RFX8: variants seen among roughly 807,000 people sequenced by gnomAD.
RFX8 encodes DNA-binding protein RFX8.
In RFX8, 46 loss-of-function variants were observed where a neutral mutation model predicts 54.6. The ratio of observed to expected loss-of-function variants is 0.84; its 90% CI spans 0.67 to 1.08. RFX8 has a LOEUF of 1.08. RFX8 is among the 50% of genes least tolerant of loss of function. The pLI is 0.00. For missense variants in RFX8, 536 were observed against 562.3 expected, an observed-to-expected ratio of 0.95 and a Z score of 0.47; for synonymous variants, 192 against 209.5, an observed-to-expected ratio of 0.92 and a Z score of 0.72.
chr2:101,404,692 G>A (rs570929231), intron 10 of RFX8, among the ~76,000 whole-genome samples: 1 of 151,896 alleles, frequency 6.6e-6, no homozygotes, highest in Non-Finnish European at 1.5e-5. Flanking sequence ...CTCCCAAACT[G>A]CTGGGATTAC....
Position 101,469,030 on chromosome 2 carries a change from ACGT to A in RFX8, c.-52-2133_-52-2131del, listed in dbSNP as rs1186379908. 7.5e-3 allele frequency among the ~76,000 whole-genome samples: 399 copies of A among 53,380 alleles called. 27 individuals are homozygous for A. The East Asian group carries it at 0.14, about 18-fold the overall frequency. 35.0% of individuals were successfully genotyped at this position (53,380 alleles called of 152,430 possible). A position where few individuals can be genotyped will look rare whatever the true frequency, so the allele number is the denominator to read the frequency against. On this transcript the variant is annotated intron_variant, in intron 1 of 11. Coordinates refer to ENST00000428343, the MANE Select transcript of RFX8 (RefSeq NM_001145664.2). ...TATATATATATAGGTATATATATAT[ACGT>A]ATATATATGTATATATATATACGTA...
At position 101,474,952 on chromosome 2, in the gene RFX8, G is replaced by C. The variant is rs1414868706; in HGVS notation, c.-369C>G. On this transcript the variant is annotated 5_prime_UTR_variant, in exon 1 of 12. Transcript: ENST00000428343. Reference sequence around the variant, plus strand: ...TGGACTTCTAGGAGGCTGGTCCCAGGTGACTCCAGTGTGCTGCTCCAGGTG... The same window carrying C: ...TGGACTTCTAGGAGGCTGGTCCCAGCTGACTCCAGTGTGCTGCTCCAGGTG... 6.6e-6 allele frequency among the ~76,000 whole-genome samples: 1 copy of C among 152,162 alleles called. No homozygotes were observed. Among genetic ancestry groups the C allele is most frequent in the Non-Finnish European group, 1.5e-5 (1 of 68,020 alleles).
intron 9 of RFX8, among the ~76,000 whole-genome samples, chr2:101,406,510 G>C (rs182413245): frequency 1.7e-4 from 25 of 151,402 alleles, no homozygotes; most frequent in Non-Finnish European, 2.7e-4. Context: ...TTAATTTTGG[G>C]GGGGAGGGTG....
chr2:101,444,920 T>C (rs1242877813), intron 2 of RFX8, among the ~76,000 whole-genome samples: 4 of 152,198 alleles, frequency 2.6e-5, no homozygotes, highest in Non-Finnish European at 4.4e-5. Flanking sequence ...CCTTAATTAA[T>C]GGATGAGGAA....
chr2:101,445,919 CTTAT>C (rs1045495263), intron 2 of RFX8, among the ~76,000 whole-genome samples: 1 of 152,096 alleles, frequency 6.6e-6, no homozygotes, highest in Admixed American at 6.5e-5. Context: ...GAGAGATAAA[CTTAT>C]TTATTTTGAG....
Position 101,418,897 on chromosome 2 carries a change from G to A in RFX8, c.305C>T (p.Pro102Leu), listed in dbSNP as rs75516500. 1.3e-3 allele frequency: 2,078 copies of A among 1,551,620 alleles called. 21 individuals are homozygous for A. The African/African-American group carries it at 0.025, about 18-fold the overall frequency. ...GCATTTAAAGAGCTGGCACACGTCA[G>A]GCAATGACATCAGCATGACTGTGTC... ...QQDTVMLMSL[P>L]DVCQLFKCYD... is the part of the protein sequence containing the mutation. The change falls in exon 5 of 12, where the codon CCT (proline) becomes CTT (leucine). Residue 102 changes from proline to leucine, a missense_variant. Physicochemically the swap from Pro to Leu is moderately conservative, Grantham distance 98. Transcript: ENST00000428343.
chr2:101,402,146 G>T (rs1399041151), intron 11 of RFX8, among the ~76,000 whole-genome samples: 3 of 152,220 alleles, frequency 2.0e-5, no homozygotes, highest in Non-Finnish European at 4.4e-5. Context: ...CTACTGCTGA[G>T]TTAGTCTAAC....
At chr2:101,418,360 TAATAA>T (rs1686657577) in intron 5 of RFX8, among the ~76,000 whole-genome samples, 1 of 152,118 alleles carries the variant, frequency 6.6e-6, no homozygotes, top group Non-Finnish European at 1.5e-5. Flanking sequence ...TCCTTAAAAA[TAATAA>T]AATAAAAGGT....
chr2:101,470,521 G>C, intron 1 of RFX8, among the ~76,000 whole-genome samples: 1 of 152,092 alleles, frequency 6.6e-6, no homozygotes, highest in Non-Finnish European at 1.5e-5. Context: ...AAGTGAATCA[G>C]ATCACTAGAT....
chr2:101,453,722 T>C (rs1398834990), intron 2 of RFX8, among the ~76,000 whole-genome samples: 3 of 152,164 alleles, frequency 2.0e-5, no homozygotes, highest in South Asian at 2.1e-4. Flanking sequence ...TGCATTCTAC[T>C]TTCTTCCCTC....
intron 2 of RFX8, among the ~76,000 whole-genome samples, chr2:101,440,425 C>T (rs531931593): frequency 9.7e-4 from 148 of 152,310 alleles, no homozygotes; most frequent in African/African-American, 3.2e-3. Context: ...ATAATGTTGG[C>T]ATGTGCTAGA....
intron 2 of RFX8, among the ~76,000 whole-genome samples, chr2:101,434,099 A>G (rs556618134): frequency 6.6e-6 from 1 of 152,322 alleles, no homozygotes; most frequent in South Asian, 2.1e-4. Flanking sequence ...TAAGGTAGAT[A>G]AGAATTATCC....
intron 2 of RFX8, among the ~76,000 whole-genome samples, chr2:101,429,998 A>G (rs932193581): frequency 5.9e-5 from 9 of 152,204 alleles, no homozygotes; most frequent in African/African-American, 1.9e-4. Context: ...ACCAAGTCAT[A>G]GAAAACTGGG....
rs1368224635 is a variant in RFX8, at chr2:101,443,868, G to A, written c.73-21396C>T. ...CTTTCCACAACCAGGGCATGCACTG[G>A]TGACCCATCTGCCCACAGTAGCAGC... On this transcript the variant is annotated intron_variant, in intron 2 of 11. Coordinates refer to ENST00000428343, the MANE Select transcript of RFX8 (RefSeq NM_001145664.2). Among the ~76,000 whole-genome samples the A allele has an allele frequency of 1.9e-4, 29 of 152,244 alleles. No individual in the cohort carries two copies. In the East Asian group the frequency reaches 5.5e-3, roughly 29 times the overall value.
intron 2 of RFX8, among the ~76,000 whole-genome samples, chr2:101,463,207 AT>A (rs1371717644): frequency 3.3e-5 from 5 of 152,204 alleles, no homozygotes; most frequent in Non-Finnish European, 7.3e-5. Context: ...GTCTTCAGGC[AT>A]TTAGCTGAAA....
At position 101,466,871 on chromosome 2, in the gene RFX8, T is replaced by G; in HGVS notation, c.-23A>C. The G allele has an allele frequency of 6.5e-7, 1 of 1,537,200 alleles. No individual in the cohort carries two copies. Among genetic ancestry groups the G allele is most frequent in the Non-Finnish European group, 8.8e-7 (1 of 1,133,826 alleles). On this transcript the variant is annotated 5_prime_UTR_variant, in exon 2 of 12. Coordinates refer to ENST00000428343, the MANE Select transcript of RFX8 (RefSeq NM_001145664.2). Reference sequence around the variant, plus strand: ...CATGAGACAGCGAGGGACGCTGCACTCTTCGCAAATGCAGAAGTTGTCGAC... The same window carrying G: ...CATGAGACAGCGAGGGACGCTGCACGCTTCGCAAATGCAGAAGTTGTCGAC...
At chr2:101,451,228 T>C (rs970372192) in intron 2 of RFX8, among the ~76,000 whole-genome samples, 2 of 152,150 alleles carry the variant, frequency 1.3e-5, no homozygotes, top group African/African-American at 2.4e-5. Context: ...ACTTCCACTG[T>C]CTTCAATTCC....
intron 2 of RFX8, among the ~76,000 whole-genome samples, chr2:101,433,258 T>A (rs555298071): frequency 9.4e-4 from 143 of 152,212 alleles, no homozygotes; most frequent in African/African-American, 3.4e-3. Flanking sequence ...CAGCTCTCAC[T>A]GGAACACGGG....
intron 2 of RFX8, among the ~76,000 whole-genome samples, chr2:101,444,514 G>A (rs1365277032): frequency 6.6e-6 from 1 of 152,204 alleles, no homozygotes; most frequent in Non-Finnish European, 1.5e-5. Context: ...ATTTGAATGA[G>A]AAAAGACAAT....
Sources: gnomAD v4.1 joint callset for allele counts (sites outside exome capture counted in the v4.1 genomes callset) on GRCh38, gnomAD v4.1.1 for gene constraint, MANE v1.5 for transcripts, NCBI Gene and HGNC (gene_info 2026-07-23, HGNC 2026-07-21) for gene names.